NRXN3: variants seen among roughly 807,000 people sequenced by gnomAD.
NRXN3 encodes the protein neurexin III.
Under a neutral mutation model 137.6 loss-of-function variants are expected in NRXN3, and 32 were observed. That is an observed-to-expected ratio of 0.23 (90% CI 0.18 to 0.31). NRXN3 has a LOEUF of 0.31. NRXN3 is among the 10% of genes least tolerant of loss of function. The pLI, the probability that NRXN3 is intolerant of heterozygous loss-of-function variation, is 1.00. For missense variants in NRXN3, 1,574 were observed against 2,062.5 expected (o/e 0.76, Z 4.59); for synonymous variants, 798 against 784.5 (o/e 1.02, Z -0.29).
intron 15 of NRXN3, among the ~76,000 whole-genome samples, chr14:79,397,841 A>G (rs1293284368): frequency 6.6e-6 from 1 of 152,178 alleles, no homozygotes; most frequent in Non-Finnish European, 1.5e-5. Context: ...CTTAGCTACA[A>G]CTCACTGGCT....
chr14:79,016,464 A>G (rs986799648), intron 15 of NRXN3, among the ~76,000 whole-genome samples: 1 of 152,206 alleles, frequency 6.6e-6, no homozygotes, highest in Non-Finnish European at 1.5e-5. Context: ...CTTAAATTCA[A>G]CAAATATTTT....
chr14:79,584,426 G>A (rs1298963516), intron 16 of NRXN3, among the ~76,000 whole-genome samples: 2 of 152,194 alleles, frequency 1.3e-5, no homozygotes, highest in Non-Finnish European at 2.9e-5. Context: ...CCATAGGCAT[G>A]TGAGCTTTTG....
chr14:78,845,127 A>G (rs1298819027), intron 10 of NRXN3, among the ~76,000 whole-genome samples: 1 of 152,116 alleles, frequency 6.6e-6, no homozygotes, highest in Non-Finnish European at 1.5e-5. Flanking sequence ...TATAGAATTT[A>G]TCATCCACAT....
Position 79,863,396 on chromosome 14 carries a change from C to G in NRXN3, c.*1432C>G, listed in dbSNP as rs1212707201. The G allele has an allele frequency of 6.6e-6, 1 of 151,464 alleles. No homozygotes were observed. The highest frequency in any genetic ancestry group is 1.9e-4 in the East Asian group (1 of 5,144). The allele number at this position is 151,464 out of a possible 1,614,324, so 9.4% of individuals were successfully genotyped here. On this transcript the variant is annotated 3_prime_UTR_variant, in exon 21 of 21. Transcript: ENST00000335750. ...ACTGACACAGGAAATCTGTTAAAGT[C>G]TTAAAATGGAATGAGAATGTTGTTT... is the stretch of plus-strand genomic sequence containing the variant.
chr14:79,555,672 TAAG>T (rs922263581), intron 16 of NRXN3, among the ~76,000 whole-genome samples: 1 of 152,100 alleles, frequency 6.6e-6, no homozygotes, highest in Non-Finnish European at 1.5e-5. Context: ...GTTTGTCAGA[TAAG>T]GAGATGAAAC....
At chr14:79,496,568 A>G (rs1487492992) in intron 16 of NRXN3, among the ~76,000 whole-genome samples, 2 of 152,236 alleles carry the variant, frequency 1.3e-5, no homozygotes, top group Non-Finnish European at 2.9e-5. Flanking sequence ...GTGCTAGTGA[A>G]TAGGAGTCCC....
rs998971209 is a variant in NRXN3 at position 79,326,473 on chromosome 14, G to A, written c.3263-140748G>A. On this transcript the variant is annotated intron_variant, in intron 15 of 20. Coordinates refer to ENST00000335750, the MANE Select transcript of NRXN3 (RefSeq NM_001330195.2). ...GGTCTGAATTCAGAGACATCTCACC[G>A]CAAGGACTTTTCTCCTTATGCTGTG... Among the ~76,000 whole-genome samples, 7 of 152,246 alleles carry A rather than the reference G, an allele frequency of 4.6e-5. 1 individual carries two copies. In the South Asian group the frequency reaches 6.2e-4, roughly 14 times the overall value.
intron 17 of NRXN3, among the ~76,000 whole-genome samples, chr14:79,665,638 G>T (rs1039200551): frequency 2.6e-5 from 4 of 152,056 alleles, no homozygotes; most frequent in Admixed American, 2.6e-4. Flanking sequence ...GTTTCTGTTA[G>T]GAATTTCAAA....
intron 2 of NRXN3, among the ~76,000 whole-genome samples, chr14:78,249,925 T>A (rs377358741): frequency 3.3e-5 from 5 of 152,300 alleles, no homozygotes; most frequent in Admixed American, 1.3e-4. Flanking sequence ...ACATGTTGTA[T>A]GGCTCTGGAG....
At chr14:78,625,002 C>G (rs866120817) in intron 4 of NRXN3, among the ~76,000 whole-genome samples, 4 of 151,986 alleles carry the variant, frequency 2.6e-5, no homozygotes, top group African/African-American at 7.2e-5. Flanking sequence ...CCACCATGCC[C>G]GGCTAATTTT....
intron 15 of NRXN3, among the ~76,000 whole-genome samples, chr14:79,398,075 G>A (rs2095077673): frequency 6.6e-6 from 1 of 152,154 alleles, no homozygotes; most frequent in African/African-American, 2.4e-5. Flanking sequence ...AGGGTTCACA[G>A]CAATGAAATT....
At chr14:79,817,063 T>TATTA (rs1265657842) in intron 20 of NRXN3, among the ~76,000 whole-genome samples, 1 of 152,080 alleles carries the variant, frequency 6.6e-6, no homozygotes, top group Non-Finnish European at 1.5e-5. Flanking sequence ...CCCCCATAAT[T>TATTA]ATTATTATTT....
intron 15 of NRXN3, chr14:79,279,404 G>C: frequency 4.1e-6 from 4 of 986,272 alleles, no homozygotes; most frequent in Non-Finnish European, 4.8e-6. Flanking sequence ...GTGCCTCCCT[G>C]GTCCGCGCAC....
chr14:78,928,243 G>T (rs1052107323), intron 10 of NRXN3, among the ~76,000 whole-genome samples: 1 of 152,192 alleles, frequency 6.6e-6, no homozygotes, highest in African/African-American at 2.4e-5. Flanking sequence ...CCAGGCAAAG[G>T]TAGTTACAGA....
intron 15 of NRXN3, among the ~76,000 whole-genome samples, chr14:79,382,137 A>T (rs1454121245): frequency 1.3e-5 from 2 of 152,200 alleles, no homozygotes; most frequent in Admixed American, 1.3e-4. Context: ...TCTGAGGATT[A>T]AATGAGTGAA....
chr14:79,053,279 C>A (rs1175805959), intron 15 of NRXN3, among the ~76,000 whole-genome samples: 1 of 152,144 alleles, frequency 6.6e-6, no homozygotes, highest in African/African-American at 2.4e-5. Flanking sequence ...TCATTTAATT[C>A]TTCTAATAAG....
chr14:78,702,451 C>CTTTTTTTT (rs151197180), intron 6 of NRXN3, among the ~76,000 whole-genome samples: 8 of 122,700 alleles, frequency 6.5e-5, no homozygotes, highest in African/African-American at 1.2e-4. Flanking sequence ...TTTTTCTTTT[C>CTTTTTTTT]TTATTTTTTT....
At chr14:78,260,038 G>A (rs369534995) in intron 2 of NRXN3, among the ~76,000 whole-genome samples, 1 of 152,146 alleles carries the variant, frequency 6.6e-6, no homozygotes, top group Non-Finnish European at 1.5e-5. Flanking sequence ...TGAAACTCGG[G>A]AATGTTATCA....
chr14:78,577,955 G>A (rs1245002378), intron 4 of NRXN3, among the ~76,000 whole-genome samples: 3 of 151,960 alleles, frequency 2.0e-5, no homozygotes, highest in African/African-American at 7.3e-5. Context: ...GTTTCTTTTG[G>A]TTTTATAAGA....
Sources: gnomAD v4.1 joint callset for allele counts (sites outside exome capture counted in the v4.1 genomes callset) on GRCh38, gnomAD v4.1.1 for gene constraint, MANE v1.5 for transcripts, NCBI Gene and HGNC (gene_info 2026-07-23, HGNC 2026-07-21) for gene names.